Variants in KCTD1 observed in about 807,000 individuals in gnomAD.
KCTD1 encodes the protein potassium channel tetramerization domain containing 1.
Under a neutral mutation model 66.0 loss-of-function variants are expected in KCTD1, and 24 were observed. That is an observed-to-expected ratio of 0.36 (90% CI 0.26 to 0.51). The LOEUF (loss-of-function observed/expected upper bound fraction) is 0.51. KCTD1 is among the 20% of genes least tolerant of loss of function. KCTD1 has a pLI of 0.95. For synonymous variants in KCTD1, 511 were observed against 517.2 expected (o/e 0.99, Z 0.16); for missense variants, 943 against 1,205.2 (o/e 0.78, Z 3.22).
At chr18:26,593,358 GAA>G (rs1986661277) in intron 1 of KCTD1, among the ~76,000 whole-genome samples, 1 of 130,718 alleles carries the variant, frequency 7.7e-6, no homozygotes, top group Non-Finnish European at 1.6e-5. Flanking sequence ...GGAGGAGGAG[GAA>G]GAGGAGGAGG....
chr18:26,460,873 A>G (rs1980384049), intron 3 of KCTD1: 1 of 152,266 alleles, frequency 6.6e-6, no homozygotes, highest in Non-Finnish European at 1.5e-5. Context: ...AATGTTAACA[A>G]GCAGGTCAAT....
rs529195175 is a variant in KCTD1 at position 26,580,459 on chromosome 18, G to A, written c.-16+48688C>T. On this transcript the variant is annotated intron_variant, in intron 1 of 4. Transcript: ENST00000317932. Reference sequence around the variant, plus strand: ...TTCTGATAAGGACAGGGCACACTCTGTTCACCAACATAGCTAGGCAAGCAG... The same window carrying A: ...TTCTGATAAGGACAGGGCACACTCTATTCACCAACATAGCTAGGCAAGCAG... Among the ~76,000 whole-genome samples, 6 of 152,266 alleles carry A rather than the reference G, an allele frequency of 3.9e-5. No individual in the cohort carries two copies. The South Asian group carries it at 1.0e-3, about 26-fold the overall frequency.
intron 1 of KCTD1, among the ~76,000 whole-genome samples, chr18:26,536,093 T>A (rs1282368036): frequency 6.6e-6 from 1 of 152,154 alleles, no homozygotes; most frequent in Admixed American, 6.5e-5. Flanking sequence ...GAAAGCCCTT[T>A]GCTTTCCTGT....
At chr18:26,610,234 A>G (rs1987104219) in intron 1 of KCTD1, among the ~76,000 whole-genome samples, 1 of 152,062 alleles carries the variant, frequency 6.6e-6, no homozygotes, top group Admixed American at 6.6e-5. Flanking sequence ...CTCAAAGTTT[A>G]AATTTTTCCT....
chr18:26,500,958 C>T, intron 2 of KCTD1, 114 bp downstream of exon 2: 1 of 1,208,342 alleles, frequency 8.3e-7, no homozygotes, highest in Non-Finnish European at 1.2e-6. Flanking sequence ...TCACACAGCA[C>T]TTTCACATCC....
chr18:26,532,899 A>T (rs1171335197), intron 1 of KCTD1, among the ~76,000 whole-genome samples: 1 of 152,230 alleles, frequency 6.6e-6, no homozygotes, highest in African/African-American at 2.4e-5. Flanking sequence ...CATGGGAAAC[A>T]AGACCTTCAC....
chr18:26,557,910 C>A (rs1419912816), intron 1 of KCTD1, among the ~76,000 whole-genome samples: 1 of 152,216 alleles, frequency 6.6e-6, no homozygotes, highest in African/African-American at 2.4e-5. Context: ...AAAACATCAT[C>A]TTGGCTCCTT....
intron 2 of KCTD1, among the ~76,000 whole-genome samples, chr18:26,482,477 T>G (rs1261605698): frequency 3.3e-5 from 5 of 152,100 alleles, no homozygotes; most frequent in African/African-American, 1.2e-4. Flanking sequence ...TCATCTCCAC[T>G]TACCTTGCAG....
At chr18:26,513,237 G>A (rs181087618) in intron 1 of KCTD1, among the ~76,000 whole-genome samples, 21 of 151,934 alleles carry the variant, frequency 1.4e-4, no homozygotes, top group Admixed American at 9.2e-4. Flanking sequence ...ACAGGCGCCC[G>A]CAACCACGCC....
At chr18:26,604,240 T>C (rs1478155102) in intron 1 of KCTD1, among the ~76,000 whole-genome samples, 1 of 152,170 alleles carries the variant, frequency 6.6e-6, no homozygotes, top group Non-Finnish European at 1.5e-5. Flanking sequence ...AGAATGGCTA[T>C]TATTAAAAAG....
At chr18:26,548,925 G>A (rs1446452677), upstream of KCTD1, 1 of 988,482 alleles carries the variant, frequency 1.0e-6, no homozygotes, top group Non-Finnish European at 1.2e-6. Flanking sequence ...CCGGGCGGGA[G>A]AGAGGGAGGG....
intron 1 of KCTD1, among the ~76,000 whole-genome samples, chr18:26,654,374 A>G (rs1166328849): frequency 1.3e-5 from 2 of 152,160 alleles, no homozygotes; most frequent in Non-Finnish European, 1.5e-5. Context: ...TAATTTGTAC[A>G]ATGATTACTG....
chr18:26,578,366 C>T (rs192192623), intron 1 of KCTD1, among the ~76,000 whole-genome samples: 55 of 152,268 alleles, frequency 3.6e-4, no homozygotes, highest in Admixed American at 1.3e-3. Context: ...CATATTTACA[C>T]TAAAATTAAA....
intron 1 of KCTD1, among the ~76,000 whole-genome samples, chr18:26,592,897 T>A (rs904822831): frequency 6.6e-6 from 1 of 152,222 alleles, no homozygotes; most frequent in Admixed American, 6.5e-5. Context: ...CTGAGCCTTA[T>A]ATTCTTTGTC....
intron 1 of KCTD1, among the ~76,000 whole-genome samples, chr18:26,531,699 A>C (rs1466182641): frequency 1.3e-5 from 2 of 152,162 alleles, no homozygotes; most frequent in Non-Finnish European, 2.9e-5. Flanking sequence ...ATGTCACCTG[A>C]CCAGGTATTC....
chr18:26,587,676 G>A (rs1408279623), intron 1 of KCTD1, among the ~76,000 whole-genome samples: 2 of 152,172 alleles, frequency 1.3e-5, no homozygotes, highest in Non-Finnish European at 2.9e-5. Flanking sequence ...ACATTAATAG[G>A]AGTTTGGAGG....
chr18:26,488,330 C>T (rs947528788), intron 2 of KCTD1, among the ~76,000 whole-genome samples: 1 of 152,076 alleles, frequency 6.6e-6, no homozygotes, highest in African/African-American at 2.4e-5. Flanking sequence ...TAATGATGTA[C>T]CTTCTTTAGG....
rs182876585 is a variant in KCTD1, at chr18:26,598,997, G to C, written c.-16+30150C>G. Among the ~76,000 whole-genome samples the C allele has an allele frequency of 2.6e-5, 4 of 152,134 alleles. No individual in the cohort carries two copies. The East Asian group carries it at 7.7e-4, about 29-fold the overall frequency. Reference sequence around the variant, plus strand: ...TTGTAGCAAGAATGGTTTTAATTTTGATAAAGTCCAAATTGTCTATTTTTT... The same window carrying C: ...TTGTAGCAAGAATGGTTTTAATTTTCATAAAGTCCAAATTGTCTATTTTTT... On this transcript the variant is annotated intron_variant, in intron 1 of 4. Transcript: ENST00000317932.
rs1980865099 is a variant in KCTD1, at chr18:26,468,388, G to T, written c.2133+8127C>A. On this transcript the variant is annotated intron_variant, in intron 3 of 4. Transcript: ENST00000580059. The surrounding 1 kb of genome is among the most constrained non-coding windows in gnomAD (Gnocchi z 4.8). ...GGTATCCGGCTCGGACAGCACATTT[G>T]CGGAATGAGATTTTAGGGGTGGAGG... Among the ~76,000 whole-genome samples, 1 of 152,188 alleles carries T rather than the reference G, an allele frequency of 6.6e-6. No homozygotes were observed. Among genetic ancestry groups the T allele is most frequent in the African/African-American group, 2.4e-5 (1 of 41,428 alleles).
Sources: gnomAD v4.1 joint callset for allele counts (sites outside exome capture counted in the v4.1 genomes callset) on GRCh38, gnomAD v4.1.1 for gene constraint, Gnocchi (gnomAD v3.1) non-coding constraint, MANE v1.5 for transcripts, NCBI Gene and HGNC (gene_info 2026-07-23, HGNC 2026-07-21) for gene names.